ARHGAP6: variants seen among roughly 807,000 people sequenced by gnomAD.
The protein encoded by ARHGAP6 is Rho GTPase activating protein 6, also known as rho GTPase-activating protein 6.
Under a neutral mutation model 55.7 loss-of-function variants are expected in ARHGAP6, and 16 were observed. The ratio of observed to expected loss-of-function variants is 0.29; its 90% CI spans 0.19 to 0.44. The LOEUF is 0.44. Among genes scored for constraint, ARHGAP6 ranks in the 20% least tolerant of loss-of-function variants. The pLI, the probability that ARHGAP6 is intolerant of heterozygous loss-of-function variation, is 1.00. For synonymous variants in ARHGAP6, 382 were observed against 360.9 expected, an observed-to-expected ratio of 1.06 and a Z score of -0.66; for missense variants, 698 against 808.9, an observed-to-expected ratio of 0.86 and a Z score of 1.66.
chrX:11,155,864 T>C (rs1219107265), intron 10 of ARHGAP6, among the ~76,000 whole-genome samples: 2 of 112,356 alleles, frequency 1.8e-5, no homozygotes, highest in African/African-American at 6.5e-5. Context: ...GCAGCAAAGA[T>C]TGGAAGTAAC....
intron 1 of ARHGAP6, among the ~76,000 whole-genome samples, chrX:11,573,866 C>T (rs2051562563): frequency 1.8e-5 from 2 of 111,291 alleles, no homozygotes; most frequent in Admixed American, 1.9e-4. Context: ...TTTCATAGAG[C>T]AGTGGTTTGT....
chrX:11,254,188 G>T (rs2047462096), intron 2 of ARHGAP6, among the ~76,000 whole-genome samples: 2 of 111,571 alleles, frequency 1.8e-5, no homozygotes, highest in Admixed American at 1.9e-4. Context: ...TTTTCAAATG[G>T]GTTATTTTGA....
chrX:11,457,109 C>A (rs1174341950), intron 1 of ARHGAP6, among the ~76,000 whole-genome samples: 3 of 111,703 alleles, frequency 2.7e-5, no homozygotes, highest in Non-Finnish European at 5.6e-5. Flanking sequence ...TGGAGGTCCC[C>A]AAAAACTGTG....
chrX:11,229,535 A>G (rs2047098844), intron 2 of ARHGAP6, among the ~76,000 whole-genome samples: 1 of 112,148 alleles, frequency 8.9e-6, no homozygotes, highest in Admixed American at 9.5e-5. Flanking sequence ...GAGTATGTGG[A>G]AGTTAGTTTA....
intron 1 of ARHGAP6, among the ~76,000 whole-genome samples, chrX:11,560,394 T>C (rs2051372723): frequency 8.9e-6 from 1 of 112,387 alleles, no homozygotes; most frequent in Non-Finnish European, 1.9e-5. Flanking sequence ...TTTAAAAGCA[T>C]CAAGTTTAGT....
intron 1 of ARHGAP6, among the ~76,000 whole-genome samples, chrX:11,481,953 C>T (rs890215516): frequency 1.8e-5 from 2 of 112,496 alleles, no homozygotes; most frequent in Non-Finnish European, 3.8e-5. Context: ...ATCTGGCAAA[C>T]TCCCATGAAG....
Position 11,188,910 on chromosome X carries a change from C to A in ARHGAP6, c.895G>T (p.Asp299Tyr). ...ANDRAYKLKQ[D>Y]LQRDEQKDAS... ...TCTTTCTGCTCGTCCCTCTGCAAGT[C>A]CTGCTTGAGTTTATAGGCCCTGTCA... Residue 299 changes from aspartate to tyrosine, a missense_variant, in exon 4 of 13, where the codon GAC (aspartate) becomes TAC (tyrosine). Asp to Tyr is a radical substitution (Grantham distance 160). Transcript: ENST00000337414. 8.3e-7 allele frequency: 1 copy of A among 1,211,409 alleles called. No homozygotes were observed. Among genetic ancestry groups the A allele is most frequent in the Non-Finnish European group, 1.1e-6 (1 of 895,445 alleles).
intron 1 of ARHGAP6, among the ~76,000 whole-genome samples, chrX:11,574,759 T>C (rs1291379664): frequency 9.3e-6 from 1 of 107,127 alleles, no homozygotes; most frequent in Non-Finnish European, 1.9e-5. Context: ...TAAAGGGTAT[T>C]CAATTAGGAA....
chrX:11,354,491 T>A (rs2048909919), intron 1 of ARHGAP6, among the ~76,000 whole-genome samples: 1 of 107,849 alleles, frequency 9.3e-6, no homozygotes, highest in Non-Finnish European at 1.9e-5. Flanking sequence ...GTACCATCCA[T>A]GATAGAATAA....
chrX:11,489,189 C>A (rs2050540838), intron 1 of ARHGAP6, among the ~76,000 whole-genome samples: 1 of 111,422 alleles, frequency 9.0e-6, no homozygotes, highest in African/African-American at 3.3e-5. Flanking sequence ...GAATTTAGAA[C>A]TAGACAAGGA....
chrX:11,147,827 A>G (rs914885190), intron 10 of ARHGAP6, among the ~76,000 whole-genome samples: 1 of 112,397 alleles, frequency 8.9e-6, no homozygotes, highest in African/African-American at 3.2e-5. Flanking sequence ...TTTATAGGAA[A>G]GGAAATTTCT....
chrX:11,313,839 C>A (rs768682517), intron 1 of ARHGAP6, among the ~76,000 whole-genome samples: 8 of 111,916 alleles, frequency 7.1e-5, no homozygotes, highest in Non-Finnish European at 1.3e-4. Context: ...TGAAGCATCC[C>A]CACACAGACC....
intron 1 of ARHGAP6, among the ~76,000 whole-genome samples, chrX:11,479,205 C>T (rs2050432084): frequency 8.9e-6 from 1 of 112,100 alleles, no homozygotes; most frequent in Non-Finnish European, 1.9e-5. Flanking sequence ...TGGAAGGTTT[C>T]TCACAGGCCA....
At position 11,137,967 on chromosome X, in the gene ARHGAP6, T is replaced by A. The variant is rs1048505741; in HGVS notation, c.*896A>T. On this transcript the variant is annotated 3_prime_UTR_variant, in exon 13 of 13. Transcript: ENST00000337414. ...AACATGTTCTATAATTTGAATATTC[T>A]GTGTAGATTCTTAAACACTTTATAG... 3 of 112,211 alleles carry A rather than the reference T, an allele frequency of 2.7e-5. No homozygotes were observed. The highest frequency in any genetic ancestry group is 1.9e-4 in the Admixed American group (2 of 10,593). 9.2% of individuals were successfully genotyped at this position (112,211 alleles called of 1,213,427 possible). A position where few individuals can be genotyped will look rare whatever the true frequency, so the allele number is the denominator to read the frequency against.
intron 12 of ARHGAP6, among the ~76,000 whole-genome samples, chrX:11,140,768 A>T (rs1487386014): frequency 8.9e-6 from 1 of 112,246 alleles, no homozygotes; most frequent in African/African-American, 3.2e-5. Context: ...TCCCTAAAGG[A>T]TACAACTTTC....
intron 1 of ARHGAP6, among the ~76,000 whole-genome samples, chrX:11,263,969 C>T (rs1194082038): frequency 9.0e-6 from 1 of 111,489 alleles, no homozygotes; most frequent in Non-Finnish European, 1.9e-5. Context: ...ACCACAGCCA[C>T]ACTCATTCAT....
intron 1 of ARHGAP6, among the ~76,000 whole-genome samples, chrX:11,572,986 T>C (rs2147109339): frequency 8.9e-6 from 1 of 112,362 alleles, no homozygotes; most frequent in South Asian, 3.7e-4. Flanking sequence ...ATAAATGTCT[T>C]CTTTTGAGAA....
chrX:11,645,869 T>A (rs1164340617), intron 1 of ARHGAP6, among the ~76,000 whole-genome samples: 1 of 111,966 alleles, frequency 8.9e-6, no homozygotes, highest in Non-Finnish European at 1.9e-5. Context: ...CATAACGAAA[T>A]TAAATGATGT....
chrX:11,431,385 TCTGC>T, intron 1 of ARHGAP6, among the ~76,000 whole-genome samples: 2 of 113,007 alleles, frequency 1.8e-5, no homozygotes, highest in Middle Eastern at 4.6e-3. Context: ...TTGCATTTAT[TCTGC>T]CTGCCTATAG....
Sources: allele counts gnomAD v4.1 joint callset (sites outside exome capture counted in the v4.1 genomes callset), GRCh38; gene constraint gnomAD v4.1.1; transcripts MANE v1.5; gene names NCBI Gene and HGNC (gene_info 2026-07-23, HGNC 2026-07-21).